The following CYP20A1 variants were observed in gnomAD, a reference collection of about 807,000 sequenced individuals.
CYP20A1 encodes cytochrome P450 family 20 subfamily A member 1.
In CYP20A1, 61 loss-of-function variants were observed where a neutral mutation model predicts 61.4. The observed-to-expected ratio is 0.99, with a 90% CI of 0.81 to 1.23. The LOEUF (loss-of-function observed/expected upper bound fraction) is 1.23. CYP20A1 is among the 50% of genes most tolerant of loss of function. The pLI is 0.00. For synonymous variants in CYP20A1, 193 were observed against 188.2 expected (o/e 1.03, Z -0.21); for missense variants, 530 against 542.4 (o/e 0.98, Z 0.23).
intron 4 of CYP20A1, 84 bp downstream of exon 4, chr2:203,252,193 G>T (rs2066717127): frequency 2.8e-6 from 3 of 1,060,964 alleles, no homozygotes; most frequent in Admixed American, 3.0e-5. Context: ...TACTATCTTT[G>T]TTACTCTTTT....
At chr2:203,282,050 T>C (rs1447597824) in intron 8 of CYP20A1, among the ~76,000 whole-genome samples, 3 of 150,638 alleles carry the variant, frequency 2.0e-5, no homozygotes, top group Non-Finnish European at 4.4e-5. Flanking sequence ...TTTTTTTTTT[T>C]TTTTGAGACG....
At position 203,301,903 on chromosome 2, in the gene CYP20A1, C is replaced by T. The variant is rs1417669760; in HGVS notation, c.*4995C>T. On this transcript the variant is annotated 3_prime_UTR_variant, in exon 13 of 13. Coordinates refer to ENST00000356079, the MANE Select transcript of CYP20A1 (RefSeq NM_177538.3). ...TAGTTTCACTATTTGAAGTTAACCACTGTTAAGATTCTTTTTTTTTTTTTT... is the reference window on the plus strand; with the variant it reads ...TAGTTTCACTATTTGAAGTTAACCATTGTTAAGATTCTTTTTTTTTTTTTT... Among the ~76,000 whole-genome samples, 1 of 145,058 alleles carries T rather than the reference C, an allele frequency of 6.9e-6. No homozygotes were observed. The highest frequency in any genetic ancestry group is 1.5e-5 in the Non-Finnish European group (1 of 66,626).
rs2069023207 is a variant in CYP20A1 at position 203,301,549 on chromosome 2, G to T, written c.*4641G>T. 6.6e-6 allele frequency among the ~76,000 whole-genome samples: 1 copy of T among 152,028 alleles called. No individual in the cohort carries two copies. ...GCCTCCCAAAGTGTTGAGATTGCAG[G>T]TGTGAGCCACGGCACCTGGTCCATA... On this transcript the variant is annotated 3_prime_UTR_variant, in exon 13 of 13. Coordinates refer to ENST00000356079, the MANE Select transcript of CYP20A1 (RefSeq NM_177538.3).
At chr2:203,278,988 T>C (rs1340920729) in intron 7 of CYP20A1, among the ~76,000 whole-genome samples, 1 of 152,130 alleles carries the variant, frequency 6.6e-6, no homozygotes, top group African/African-American at 2.4e-5. Context: ...TGTTTTGAGA[T>C]GGAGTCTCGC....
rs557583666 is a variant in CYP20A1, at chr2:203,300,096, A to T, written c.*3188A>T. On this transcript the variant is annotated 3_prime_UTR_variant, in exon 13 of 13. Transcript: ENST00000356079. The stretch of plus-strand genomic sequence containing the variant: ...GAGTTTAAAGCAAGTGAGATATGAT[A>T]AACAATGATGAAAGCAAAAATAGGG... Among the ~76,000 whole-genome samples, 93 of 152,316 alleles carry T rather than the reference A, an allele frequency of 6.1e-4. No homozygotes were observed. The highest frequency in any genetic ancestry group is 2.2e-3 in the African/African-American group (92 of 41,580).
chr2:203,271,568 C>T (rs548815009), intron 5 of CYP20A1, among the ~76,000 whole-genome samples: 183 of 152,128 alleles, frequency 1.2e-3, no homozygotes, highest in African/African-American at 3.8e-3. Context: ...AAAGTTTTTT[C>T]AGGGGCTATT....
At chr2:203,262,024 G>A (rs2067157354) in intron 4 of CYP20A1, among the ~76,000 whole-genome samples, 1 of 152,116 alleles carries the variant, frequency 6.6e-6, no homozygotes, top group South Asian at 2.1e-4. Context: ...CTGCTTTCCA[G>A]TGCACTGCAG....
intron 1 of CYP20A1, among the ~76,000 whole-genome samples, chr2:203,243,328 G>C (rs898861676): frequency 6.6e-6 from 1 of 151,966 alleles, no homozygotes; most frequent in Non-Finnish European, 1.5e-5. Flanking sequence ...ATTTTTAGTA[G>C]AGACAGGGTT....
rs760128483 is a variant in CYP20A1, at chr2:203,280,063, T to C, written c.800T>C (p.Leu267Pro). 2 of 1,606,598 alleles carry C rather than the reference T, an allele frequency of 1.2e-6. No homozygotes were observed. Among genetic ancestry groups the C allele is most frequent in the Non-Finnish European group, 1.7e-6 (2 of 1,176,692 alleles). Residue 267 changes from leucine (L) to proline (P), a missense_variant, in exon 8 of 13, where the codon CTA becomes CCA. Coordinates refer to ENST00000356079, the MANE Select transcript of CYP20A1 (RefSeq NM_177538.3). ...AAACTTAGTTTTGTTTCCTAGATCC[T>C]AGAAGACAGTATGATATTTTCTCTG... is the stretch of plus-strand genomic sequence containing the variant. The part of the protein sequence containing the change: ...VQGNLNDQQI[L>P]EDSMIFSLAS...
chr2:203,275,640 A>T (rs1315178426), intron 6 of CYP20A1, among the ~76,000 whole-genome samples: 1 of 152,072 alleles, frequency 6.6e-6, no homozygotes, highest in African/African-American at 2.4e-5. Flanking sequence ...GGGTTTCACC[A>T]TGTTGGCCAG....
chr2:203,303,688 C>T lies in CYP20A1; in HGVS notation c.*6780C>T, dbSNP rs934454992. 1.3e-5 allele frequency among the ~76,000 whole-genome samples: 2 copies of T among 151,404 alleles called. No individual in the cohort carries two copies. Among genetic ancestry groups the T allele is most frequent in the African/African-American group, 2.4e-5 (1 of 41,186 alleles). On this transcript the variant is annotated 3_prime_UTR_variant, in exon 13 of 13. Transcript: ENST00000356079. ...CCAGTGTGGGTGACGAGCGAAAATC[C>T]GTCTCAACCAAGAAAAAAGAAAAAA...
chr2:203,264,693 G>A (rs767849350), intron 4 of CYP20A1, among the ~76,000 whole-genome samples: 13 of 149,914 alleles, frequency 8.7e-5, no homozygotes, highest in Non-Finnish European at 1.6e-4. Flanking sequence ...TTTTCTATTT[G>A]AGCTACCTCT....
At chr2:203,258,011 C>T (rs1344095924) in intron 4 of CYP20A1, among the ~76,000 whole-genome samples, 1 of 50,760 alleles carries the variant, frequency 2.0e-5, no homozygotes, top group Non-Finnish European at 7.4e-5. Context: ...AAGGGATCCT[C>T]CTGCCTCAGC....
At chr2:203,263,293 T>TCA (rs1559093520) in intron 4 of CYP20A1, among the ~76,000 whole-genome samples, 17 of 150,786 alleles carry the variant, frequency 1.1e-4, no homozygotes, top group African/African-American at 2.7e-4. Context: ...CTGGCTTTTT[T>TCA]TTTTTTTTTA....
intron 3 of CYP20A1, among the ~76,000 whole-genome samples, chr2:203,248,281 C>T (rs2066531312): frequency 6.6e-6 from 1 of 152,216 alleles, no homozygotes; most frequent in African/African-American, 2.4e-5. Flanking sequence ...TGCCTGGTGT[C>T]CCAGCACTTT....
chr2:203,249,673 C>T (rs1308999368), intron 3 of CYP20A1, among the ~76,000 whole-genome samples: 3 of 151,852 alleles, frequency 2.0e-5, no homozygotes, highest in African/African-American at 4.8e-5. Flanking sequence ...GGTGAAACCC[C>T]GTCTCTACTA....
intron 8 of CYP20A1, among the ~76,000 whole-genome samples, chr2:203,281,750 G>A (rs1190659987): frequency 6.7e-6 from 1 of 150,106 alleles, no homozygotes; most frequent in Non-Finnish European, 1.5e-5. Flanking sequence ...ACAGTGAGCT[G>A]AGATCGCACC....
chr2:203,239,206 CCTGCCCGCTGCGGGCCG>C, intron 1 of CYP20A1, 72 bp downstream of exon 1: 1 of 1,329,506 alleles, frequency 7.5e-7, no homozygotes, highest in Non-Finnish European at 1.1e-6. Context: ...TCCAGGCCAA[CCTGCCCGCTGCGGGCCG>C]CAGGGGGCGG....
intron 8 of CYP20A1, 87 bp downstream of exon 8, chr2:203,280,200 G>A: frequency 9.9e-7 from 1 of 1,012,808 alleles, no homozygotes. Flanking sequence ...CCAACACTTG[G>A]GGAGGCTGAG....
Sources: allele counts gnomAD v4.1 joint callset (sites outside exome capture counted in the v4.1 genomes callset), GRCh38; gene constraint gnomAD v4.1.1; transcripts MANE v1.5; gene names NCBI Gene and HGNC (gene_info 2026-07-23, HGNC 2026-07-21).